The following KIF4A variants were observed in gnomAD, a reference collection of about 807,000 sequenced individuals.
KIF4A encodes kinesin family member 4A, also known as chromosome-associated kinesin KIF4A.
KIF4A carries 7 observed loss-of-function variants against 105.9 expected under a neutral mutation model. The observed-to-expected ratio is 0.07, with a 90% CI of 0.04 to 0.12. KIF4A has a LOEUF of 0.12. KIF4A is among the 10% of genes least tolerant of loss of function. The pLI is 1.00. For missense variants in KIF4A, 558 were observed against 929.2 expected (o/e 0.60, Z 5.19); for synonymous variants, 281 against 331.3 (o/e 0.85, Z 1.65).
chrX:70,377,467 A>G (rs1481854429), intron 18 of KIF4A, among the ~76,000 whole-genome samples: 1 of 112,014 alleles, frequency 8.9e-6, no homozygotes, highest in Non-Finnish European at 1.9e-5. Context: ...ATCTACATTC[A>G]TAAGAGATAT....
intron 17 of KIF4A, 122 bp downstream of exon 17, chrX:70,375,470 T>C: frequency 1.5e-6 from 1 of 674,854 alleles, no homozygotes; most frequent in Non-Finnish European, 2.2e-6. Context: ...TCATTTCAAG[T>C]GTGTGAATCT....
At chrX:70,345,426 T>C (rs2085988453) in intron 13 of KIF4A, among the ~76,000 whole-genome samples, 1 of 104,349 alleles carries the variant, frequency 9.6e-6, no homozygotes, top group African/African-American at 3.6e-5. Context: ...ATTGTGCCAC[T>C]GCACTCCAGC....
rs2086169615 is a variant in KIF4A, at chrX:70,375,116, G to A, written c.1779-88G>A. 9.9e-6 allele frequency: 10 copies of A among 1,007,470 alleles called. No individual in the cohort carries two copies. In the Admixed American group the frequency reaches 1.8e-4, roughly 18 times the overall value. The allele number at this position is 1,007,470 out of a possible 1,213,427, so 83.0% of individuals were successfully genotyped here. A position where few individuals can be genotyped will look rare whatever the true frequency, so the allele number is the denominator to read the frequency against. ...CTAGTCACCTATTTTATATATGTCA[G>A]TGTTGTAACTCTGGGAGTCTAGTAT... is the stretch of plus-strand genomic sequence containing the variant. On this transcript the variant is annotated intron_variant, in intron 16 of 30. Transcript: ENST00000374403.
intron 7 of KIF4A, among the ~76,000 whole-genome samples, chrX:70,304,740 C>A (rs2085820037): frequency 9.9e-6 from 1 of 100,521 alleles, no homozygotes; most frequent in South Asian, 5.0e-4. Flanking sequence ...CTCACTGCAA[C>A]CTCCACCTTC....
intron 28 of KIF4A, among the ~76,000 whole-genome samples, chrX:70,408,219 G>A: frequency 9.0e-6 from 1 of 111,686 alleles, no homozygotes; most frequent in South Asian, 3.8e-4. Flanking sequence ...AGTCCAGTTT[G>A]TTTCCCCCAC....
intron 8 of KIF4A, 121 bp from the exon 9 acceptor site, chrX:70,330,036 A>G: frequency 1.9e-6 from 1 of 524,926 alleles, no homozygotes. Context: ...AATATAAAAA[A>G]CACTAAGAAC....
chrX:70,368,804 G>C (rs1391833049), intron 15 of KIF4A, among the ~76,000 whole-genome samples: 1 of 112,067 alleles, frequency 8.9e-6, no homozygotes, highest in Non-Finnish European at 1.9e-5. Flanking sequence ...AAGTCTGCAG[G>C]GGTTTCTGCT....
At chrX:70,329,840 GA>G in intron 8 of KIF4A, among the ~76,000 whole-genome samples, 1 of 111,464 alleles carries the variant, frequency 9.0e-6, no homozygotes, top group East Asian at 2.8e-4. Flanking sequence ...AATCCACCTA[GA>G]GGGGGCATCC....
intron 20 of KIF4A, 52 bp from the exon 21 acceptor site, chrX:70,395,619 T>C (rs2086256297): frequency 8.4e-7 from 1 of 1,194,320 alleles, no homozygotes; most frequent in African/African-American, 1.8e-5. Flanking sequence ...ATCTAGCCCA[T>C]GAGCTAGTGA....
chrX:70,419,136 C>A (rs2032771120), intron 29 of KIF4A, among the ~76,000 whole-genome samples: 1 of 110,812 alleles, frequency 9.0e-6, no homozygotes, highest in Non-Finnish European at 1.9e-5. Context: ...AGAAGTCAGG[C>A]TAAGAACTGT....
At chrX:70,347,401 A>G (rs1411789343) in intron 13 of KIF4A, among the ~76,000 whole-genome samples, 2 of 112,470 alleles carry the variant, frequency 1.8e-5, no homozygotes, top group Non-Finnish European at 3.8e-5. Context: ...TGCCATGTTC[A>G]TGCAGAACAT....
intron 15 of KIF4A, chrX:70,361,534 C>T: frequency 1.2e-5 from 2 of 164,555 alleles, no homozygotes; most frequent in Middle Eastern, 1.4e-3. Context: ...AGTTGTGCAG[C>T]TTCCAGAACA....
intron 18 of KIF4A, among the ~76,000 whole-genome samples, chrX:70,386,189 C>T: frequency 1.8e-5 from 2 of 110,521 alleles, no homozygotes; most frequent in Middle Eastern, 9.3e-3. Context: ...CTCTTTTTTG[C>T]CAGCCACCTG....
chrX:70,416,770 C>A (rs1452004809), intron 28 of KIF4A, among the ~76,000 whole-genome samples: 1 of 112,631 alleles, frequency 8.9e-6, no homozygotes, highest in Admixed American at 9.4e-5. Context: ...AATTGTGATT[C>A]TTTTATCTTA....
intron 8 of KIF4A, 123 bp from the exon 9 acceptor site, chrX:70,330,034 A>C: frequency 1.9e-6 from 1 of 521,501 alleles, no homozygotes; most frequent in Non-Finnish European, 3.1e-6. Flanking sequence ...TCAATATAAA[A>C]AACACTAAGA....
chrX:70,379,691 T>C (rs959978278), intron 18 of KIF4A, among the ~76,000 whole-genome samples: 1 of 107,846 alleles, frequency 9.3e-6, no homozygotes, highest in African/African-American at 3.4e-5. Flanking sequence ...CTTGGGAGGC[T>C]GAGACACAAG....
At chrX:70,364,775 G>C (rs1452049679) in intron 15 of KIF4A, among the ~76,000 whole-genome samples, 1 of 111,626 alleles carries the variant, frequency 9.0e-6, no homozygotes, top group Non-Finnish European at 1.9e-5. Flanking sequence ...CCAATTCTAT[G>C]AAGAAAGTCA....
At chrX:70,351,941 A>G (rs1036168312) in intron 13 of KIF4A, among the ~76,000 whole-genome samples, 6 of 110,018 alleles carry the variant, frequency 5.5e-5, no homozygotes, top group Non-Finnish European at 1.1e-4. Flanking sequence ...TTGTATTTTT[A>G]GTAGAGACGG....
intron 7 of KIF4A, among the ~76,000 whole-genome samples, chrX:70,312,802 A>G (rs775309918): frequency 5.4e-5 from 6 of 111,375 alleles, no homozygotes; most frequent in Non-Finnish European, 1.1e-4. Context: ...GAGAAATAGT[A>G]CTCTTATTGT....
Sources: allele counts gnomAD v4.1 joint callset (sites outside exome capture counted in the v4.1 genomes callset), GRCh38; gene constraint gnomAD v4.1.1; transcripts MANE v1.5; gene names NCBI Gene and HGNC (gene_info 2026-07-23, HGNC 2026-07-21).